The following KHDRBS2 variants were observed in gnomAD, a reference collection of about 807,000 sequenced individuals.
KHDRBS2 encodes KH RNA binding domain containing, signal transduction associated 2.
KHDRBS2 carries 26 observed loss-of-function variants against 44.3 expected under a neutral mutation model. The observed-to-expected ratio is 0.59, with a 90% CI of 0.43 to 0.81. The LOEUF (loss-of-function observed/expected upper bound fraction) is 0.81, where lower values mean the gene tolerates loss of function less well. Among genes scored for constraint, KHDRBS2 ranks in the 40% least tolerant of loss-of-function variants. The probability of loss-of-function intolerance (pLI) is 0.00; values close to 1 mark genes in which losing one functional copy is unlikely to be tolerated. For missense variants in KHDRBS2, 476 were observed against 433.1 expected (o/e 1.10, Z -0.88); for synonymous variants, 194 against 151.1 (o/e 1.28, Z -2.08).
chr6:62,006,119 G>T (rs1450928814), intron 3 of KHDRBS2, among the ~76,000 whole-genome samples: 7 of 151,962 alleles, frequency 4.6e-5, no homozygotes, highest in African/African-American at 1.7e-4. Flanking sequence ...TAAATCTCGT[G>T]CAGGATAAAT....
intron 3 of KHDRBS2, among the ~76,000 whole-genome samples, chr6:62,046,956 A>T (rs563052125): frequency 2.0e-5 from 3 of 151,964 alleles, no homozygotes; most frequent in Non-Finnish European, 4.4e-5. Context: ...TTACTACAGT[A>T]AAGATACTTT....
intron 6 of KHDRBS2, among the ~76,000 whole-genome samples, chr6:61,877,887 T>A (rs1673216348): frequency 6.6e-6 from 1 of 151,966 alleles, no homozygotes; most frequent in South Asian, 2.1e-4. Flanking sequence ...TGTTTTTTCA[T>A]AAAAATTATC....
At position 61,945,105 on chromosome 6, in the gene KHDRBS2, AAAAAAAAG is replaced by A. The variant is rs1320124169; in HGVS notation, c.483+32953_483+32960del. Among the ~76,000 whole-genome samples the A allele has an allele frequency of 1.7e-3, 67 of 40,426 alleles. 4 individuals carry two copies. The highest frequency in any genetic ancestry group is 2.1e-3 in the Non-Finnish European group (41 of 19,334). 26.5% of individuals were successfully genotyped at this position (40,426 alleles called of 152,430 possible). On this transcript the variant is annotated intron_variant, in intron 4 of 8. Coordinates refer to ENST00000281156, the MANE Select transcript of KHDRBS2 (RefSeq NM_152688.4). Reference sequence around the variant, plus strand: ...GACTCTGTCTTAAAAAAAAAAAAAAAAAAAAAAGTATATATATATATATATATATATAT... The same window carrying A: ...GACTCTGTCTTAAAAAAAAAAAAAAATATATATATATATATATATATATAT...
chr6:61,970,430 G>T (rs575017878), intron 4 of KHDRBS2, among the ~76,000 whole-genome samples: 1 of 152,120 alleles, frequency 6.6e-6, no homozygotes, highest in South Asian at 2.1e-4. Context: ...TAAAATGCTT[G>T]AATTCTAAGT....
chr6:62,018,203 A>C (rs755182755), intron 3 of KHDRBS2, among the ~76,000 whole-genome samples: 1 of 150,884 alleles, frequency 6.6e-6, no homozygotes, highest in Non-Finnish European at 1.5e-5. Context: ...AAATATAAAA[A>C]TATACAAATA....
At chr6:62,227,164 T>C (rs1405037535) in intron 1 of KHDRBS2, among the ~76,000 whole-genome samples, 1 of 152,222 alleles carries the variant, frequency 6.6e-6, no homozygotes, top group African/African-American at 2.4e-5. Flanking sequence ...GGATGGAATG[T>C]TTTTCCATTT....
intron 4 of KHDRBS2, among the ~76,000 whole-genome samples, chr6:61,940,727 T>C (rs544737136): frequency 6.9e-4 from 105 of 152,266 alleles, no homozygotes; most frequent in African/African-American, 2.5e-3. Flanking sequence ...AAGAGTGGCT[T>C]CTACTTCCAA....
intron 6 of KHDRBS2, among the ~76,000 whole-genome samples, chr6:61,799,685 A>G (rs1489782616): frequency 6.6e-6 from 1 of 152,032 alleles, no homozygotes; most frequent in Admixed American, 6.6e-5. Context: ...ATATAATGTT[A>G]TATTCATTCA....
chr6:62,006,541 G>T (rs1779260478), intron 3 of KHDRBS2, among the ~76,000 whole-genome samples: 1 of 151,830 alleles, frequency 6.6e-6, no homozygotes, highest in East Asian at 1.9e-4. Context: ...ACTAAACATG[G>T]CTTAGAACAC....
chr6:61,993,273 T>C (rs1401924841), intron 3 of KHDRBS2, among the ~76,000 whole-genome samples: 1 of 152,102 alleles, frequency 6.6e-6, no homozygotes, highest in Admixed American at 6.6e-5. Context: ...CCATGACAGA[T>C]GTTTTCTTCA....
the KHDRBS2 span, among the ~76,000 whole-genome samples, chr6:61,581,333 C>T: frequency 2.0e-5 from 3 of 152,046 alleles, no homozygotes; most frequent in Admixed American, 1.3e-4. Flanking sequence ...TACTAACAAA[C>T]TTTTACTTTT....
chr6:61,699,868 G>T (rs1482417208), intron 7 of KHDRBS2, among the ~76,000 whole-genome samples: 2 of 152,002 alleles, frequency 1.3e-5, no homozygotes, highest in East Asian at 3.9e-4. Context: ...CATTCAAACT[G>T]TCTAAAAAAT....
chr6:61,967,451 A>T (rs1283050148), intron 4 of KHDRBS2, among the ~76,000 whole-genome samples: 1 of 151,956 alleles, frequency 6.6e-6, no homozygotes, highest in African/African-American at 2.4e-5. Context: ...TGATAGATTG[A>T]TATAGATATA....
At chr6:62,197,312 A>G (rs1052269462) in intron 1 of KHDRBS2, among the ~76,000 whole-genome samples, 25 of 152,120 alleles carry the variant, frequency 1.6e-4, no homozygotes, top group South Asian at 2.1e-4. Flanking sequence ...CCCAATTTTG[A>G]ACACAGATCA....
chr6:62,254,128 A>C (rs2150176819), intron 1 of KHDRBS2, among the ~76,000 whole-genome samples: 1 of 152,184 alleles, frequency 6.6e-6, no homozygotes, highest in Middle Eastern at 3.4e-3. Flanking sequence ...CAATTACATG[A>C]TAACATTTGT....
intron 6 of KHDRBS2, among the ~76,000 whole-genome samples, chr6:61,822,939 T>G (rs912730566): frequency 6.6e-6 from 1 of 152,072 alleles, no homozygotes; most frequent in Non-Finnish European, 1.5e-5. Flanking sequence ...TTTGTAACTC[T>G]ATATTCCACC....
chr6:62,137,138 C>G (rs1811738472), intron 2 of KHDRBS2, among the ~76,000 whole-genome samples: 1 of 151,368 alleles, frequency 6.6e-6, no homozygotes, highest in Non-Finnish European at 1.5e-5. Flanking sequence ...GTAGCTGGGA[C>G]TACAGGCACC....
At chr6:61,547,560 G>C in the KHDRBS2 span, among the ~76,000 whole-genome samples, 1 of 152,058 alleles carries the variant, frequency 6.6e-6, no homozygotes, top group Non-Finnish European at 1.5e-5. Context: ...TTACTGTGTG[G>C]CTGACCAAGT....
chr6:61,605,927 T>G, the KHDRBS2 span, among the ~76,000 whole-genome samples: 1 of 152,184 alleles, frequency 6.6e-6, no homozygotes, highest in East Asian at 1.9e-4. Context: ...GAAGTGAAAG[T>G]GGCCTGTTCC....
Sources: gnomAD v4.1 joint callset for allele counts (sites outside exome capture counted in the v4.1 genomes callset) on GRCh38, gnomAD v4.1.1 for gene constraint, MANE v1.5 for transcripts, NCBI Gene and HGNC (gene_info 2026-07-23, HGNC 2026-07-21) for gene names.